The following EPHB2 variants were observed in gnomAD, a reference collection of about 807,000 sequenced individuals.
EPHB2 encodes ephrin type-B receptor 2.
A neutral mutation model predicts 96.4 loss-of-function variants in EPHB2; 18 were observed. That is an observed-to-expected ratio of 0.19 (90% CI 0.13 to 0.28). The LOEUF (loss-of-function observed/expected upper bound fraction) is 0.28, where lower values mean the gene tolerates loss of function less well. Ranked by LOEUF, EPHB2 falls within the 10% of genes least tolerant of loss-of-function variation. The pLI is 1.00. For synonymous variants in EPHB2, 506 were observed against 534.1 expected, an observed-to-expected ratio of 0.95 and a Z score of 0.72; for missense variants, 989 against 1,355.4, an observed-to-expected ratio of 0.73 and a Z score of 4.25.
intron 2 of EPHB2, among the ~76,000 whole-genome samples, chr1:22,782,213 G>T (rs570569539): frequency 8.5e-5 from 13 of 152,258 alleles, no homozygotes; most frequent in South Asian, 8.3e-4. Context: ...TCTATAAAAT[G>T]GTGATGATGT....
intron 3 of EPHB2, among the ~76,000 whole-genome samples, chr1:22,791,415 A>G (rs558858817): frequency 6.6e-6 from 1 of 151,792 alleles, no homozygotes; most frequent in African/African-American, 2.4e-5. Context: ...TTTTAAGAAA[A>G]AAATGGACTT....
chr1:22,851,396 G>C (rs987613826), intron 3 of EPHB2, among the ~76,000 whole-genome samples: 1 of 152,212 alleles, frequency 6.6e-6, no homozygotes, highest in African/African-American at 2.4e-5. Flanking sequence ...GTGGAAGGCT[G>C]AATGCAGCTG....
intron 3 of EPHB2, among the ~76,000 whole-genome samples, chr1:22,832,512 G>C (rs1263078670): frequency 6.6e-6 from 1 of 152,134 alleles, no homozygotes; most frequent in Non-Finnish European, 1.5e-5. Context: ...GAATCACACA[G>C]CTTCTAACCC....
At chr1:22,777,893 A>T (rs371582966) in intron 1 of EPHB2, among the ~76,000 whole-genome samples, 5 of 152,280 alleles carry the variant, frequency 3.3e-5, no homozygotes, top group African/African-American at 1.2e-4. Flanking sequence ...CTAAGTGAGG[A>T]TCTACTTTGT....
chr1:22,902,817 T>A (rs1427305827), intron 9 of EPHB2, among the ~76,000 whole-genome samples: 7 of 151,948 alleles, frequency 4.6e-5, no homozygotes, highest in Non-Finnish European at 8.8e-5. Context: ...GACATCAAGA[T>A]CATAAGAGTG....
chr1:22,739,096 G>A (rs1001289687), intron 1 of EPHB2, among the ~76,000 whole-genome samples: 1 of 152,166 alleles, frequency 6.6e-6, no homozygotes, highest in African/African-American at 2.4e-5. Flanking sequence ...CTGGAATACA[G>A]TGGCACAATC....
Position 22,918,504 on chromosome 1 carries a change from AGTCTGGGGT to A in EPHB2, c.*4935_*4943del, listed in dbSNP as rs1281171824. 6.6e-6 allele frequency: 1 copy of A among 152,278 alleles called. No individual in the cohort carries two copies. Among genetic ancestry groups the A allele is most frequent in the African/African-American group, 2.4e-5 (1 of 41,458 alleles). 9.4% of individuals were successfully genotyped at this position (152,278 alleles called of 1,614,324 possible). A position where few individuals can be genotyped will look rare whatever the true frequency, so the allele number is the denominator to read the frequency against. On this transcript the variant is annotated 3_prime_UTR_variant, in exon 16 of 16. Transcript: ENST00000374630. This position sits in a 1 kb window ranked among gnomAD's most constrained non-coding sequence, Gnocchi z 4.2. ...GAGATCACCCAGACATGTTGGAATG[AGTCTGGGGT>A]CCTGTCTTTTCCAATAATGTGTTAT...
At chr1:22,798,521 C>A (rs1031774505) in intron 3 of EPHB2, among the ~76,000 whole-genome samples, 50 of 152,154 alleles carry the variant, frequency 3.3e-4, no homozygotes, top group African/African-American at 1.2e-3. Flanking sequence ...TTTGCCCTGG[C>A]ATGACCATGT....
intron 3 of EPHB2, among the ~76,000 whole-genome samples, chr1:22,837,271 C>G (rs923463370): frequency 1.1e-4 from 16 of 152,142 alleles, no homozygotes; most frequent in Non-Finnish European, 4.4e-5. Flanking sequence ...CCTGGGACCC[C>G]CAGTCCCCTT....
At position 22,797,726 on chromosome 1, in the gene EPHB2, T is replaced by C. The variant is rs537963951; in HGVS notation, c.811+12650T>C. On this transcript the variant is annotated intron_variant, in intron 3 of 15. Coordinates refer to ENST00000374630, the MANE Select transcript of EPHB2 (RefSeq NM_017449.5). ...CTTTAAGACTCCCCATCCTGCACAGTGCAAAAGCCAAGCTCCTAAAAATGG... is the reference window on the plus strand; with the variant it reads ...CTTTAAGACTCCCCATCCTGCACAGCGCAAAAGCCAAGCTCCTAAAAATGG... Among the ~76,000 whole-genome samples, 24 of 152,276 alleles carry C rather than the reference T, an allele frequency of 1.6e-4. No individual in the cohort carries two copies. In the East Asian group the frequency reaches 3.5e-3, roughly 22 times the overall value.
At chr1:22,763,969 C>T (rs1644270936) in intron 1 of EPHB2, among the ~76,000 whole-genome samples, 1 of 152,194 alleles carries the variant, frequency 6.6e-6, no homozygotes, top group Non-Finnish European at 1.5e-5. Context: ...AACCCTCCCA[C>T]CCCCTCTTAC....
At chr1:22,774,598 G>A (rs1340803187) in intron 1 of EPHB2, 1 of 985,190 alleles carries the variant, frequency 1.0e-6, no homozygotes, top group Non-Finnish European at 1.2e-6. Flanking sequence ...AGGAAATTTT[G>A]GATGGCTGGA....
intron 5 of EPHB2, among the ~76,000 whole-genome samples, chr1:22,872,493 G>T (rs1372907035): frequency 6.6e-6 from 1 of 152,116 alleles, no homozygotes; most frequent in East Asian, 1.9e-4. Flanking sequence ...ACATCTTTGG[G>T]GGGTCATTAT....
chr1:22,768,398 T>C (rs1644334325), intron 1 of EPHB2, among the ~76,000 whole-genome samples: 1 of 152,154 alleles, frequency 6.6e-6, no homozygotes, highest in Non-Finnish European at 1.5e-5. Context: ...TTCAAGACTC[T>C]TTGTGAGGCC....
intron 1 of EPHB2, among the ~76,000 whole-genome samples, chr1:22,732,221 G>T (rs556661379): frequency 1.2e-4 from 18 of 152,264 alleles, no homozygotes; most frequent in Middle Eastern, 6.8e-3. Flanking sequence ...GGGCTTAGAG[G>T]GTGGGGCTCT....
intron 7 of EPHB2, 31 bp from the exon 8 acceptor site, chr1:22,895,441 C>G: frequency 6.2e-7 from 1 of 1,606,460 alleles, no homozygotes; most frequent in Non-Finnish European, 8.5e-7. Context: ...CACAGCCAGG[C>G]TGAGAATGCC....
intron 3 of EPHB2, among the ~76,000 whole-genome samples, chr1:22,786,558 GT>G (rs1644613493): frequency 6.6e-6 from 1 of 152,180 alleles, no homozygotes; most frequent in Non-Finnish European, 1.5e-5. Flanking sequence ...TACCAGCTCT[GT>G]GCTTCCTCCC....
chr1:22,809,360 T>C (rs1055093911), intron 3 of EPHB2, among the ~76,000 whole-genome samples: 2 of 152,220 alleles, frequency 1.3e-5, no homozygotes, highest in African/African-American at 4.8e-5. Context: ...GGTGCAGAGA[T>C]GTCTACAGAT....
intron 1 of EPHB2, among the ~76,000 whole-genome samples, chr1:22,723,036 C>T (rs551726509): frequency 2.0e-5 from 3 of 152,280 alleles, no homozygotes; most frequent in South Asian, 4.1e-4. Flanking sequence ...AGCACTGGGG[C>T]GGGGTGCAAG....
Sources: allele counts gnomAD v4.1 joint callset (sites outside exome capture counted in the v4.1 genomes callset), GRCh38; gene constraint gnomAD v4.1.1; non-coding constraint Gnocchi (gnomAD v3.1); transcripts MANE v1.5; gene names NCBI Gene and HGNC (gene_info 2026-07-23, HGNC 2026-07-21).